The following TNFRSF11B variants were observed in gnomAD, a reference collection of about 807,000 sequenced individuals.
TNFRSF11B encodes the protein tumor necrosis factor receptor superfamily member 11B.
Under a neutral mutation model 43.4 loss-of-function variants are expected in TNFRSF11B, and 16 were observed. The ratio of observed to expected loss-of-function variants is 0.37; its 90% CI spans 0.25 to 0.56. The LOEUF (loss-of-function observed/expected upper bound fraction) is 0.56. Ranked by LOEUF, TNFRSF11B falls within the 20% of genes least tolerant of loss-of-function variation. TNFRSF11B has a pLI of 0.80. For missense variants in TNFRSF11B, 444 were observed against 490.1 expected (o/e 0.91, Z 0.89); for synonymous variants, 185 against 181.8 (o/e 1.02, Z -0.14).
rs752915393 is a variant in TNFRSF11B, at chr8:118,933,284, A to G, written c.47T>C (p.Ile16Thr). The G allele has an allele frequency of 1.2e-5, 20 of 1,613,656 alleles. No homozygotes were observed. The Admixed American group carries it at 3.3e-4, about 27-fold the overall frequency. Reference protein sequence around the residue: ...CCALVFLDISIKWTTQETFPP... With the variant: ...CCALVFLDISTKWTTQETFPP... Reference sequence around the variant, plus strand: ...AAACGTTTCCTGGGTGGTCCACTTAATGGAGATGTCCAGAAACTAGAAGGA... The same window carrying G: ...AAACGTTTCCTGGGTGGTCCACTTAGTGGAGATGTCCAGAAACTAGAAGGA... Residue 16 changes from isoleucine to threonine, a missense_variant, in exon 2 of 5, where the codon ATT becomes ACT. By Grantham distance (89) the Ile-to-Thr change is moderately conservative. Coordinates refer to ENST00000297350, the MANE Select transcript of TNFRSF11B (RefSeq NM_002546.4).
intron 1 of TNFRSF11B, among the ~76,000 whole-genome samples, chr8:118,944,290 A>G (rs1324375793): frequency 3.3e-5 from 5 of 152,172 alleles, no homozygotes; most frequent in Non-Finnish European, 7.4e-5. Context: ...TATAGCAACC[A>G]ATACCTGAAA....
chr8:118,939,004 C>T (rs781419404), intron 1 of TNFRSF11B, among the ~76,000 whole-genome samples: 15 of 152,158 alleles, frequency 9.9e-5, no homozygotes, highest in African/African-American at 2.9e-4. Context: ...TGTGATCCCT[C>T]GTCATGATCT....
At chr8:118,944,061 A>G (rs1162786133) in intron 1 of TNFRSF11B, among the ~76,000 whole-genome samples, 2 of 152,160 alleles carry the variant, frequency 1.3e-5, no homozygotes, top group East Asian at 3.8e-4. Context: ...TGGGGTTTGT[A>G]AATGTTCTTT....
rs754392133 is a variant in TNFRSF11B, at chr8:118,926,603, A to G, written c.708T>C (p.Ser236=). The G allele has an allele frequency of 3.7e-6, 6 of 1,613,852 alleles. No individual in the cohort carries two copies. Among genetic ancestry groups the G allele is most frequent in the Non-Finnish European group, 4.2e-6 (5 of 1,179,952 alleles). Residue 236 remains serine (S), a synonymous_variant, in exon 4 of 5, where the codon AGT becomes AGC. Coordinates refer to ENST00000297350, the MANE Select transcript of TNFRSF11B (RefSeq NM_002546.4). ...TGTGTTGCCGTTTTATCCTCTCTACACTCTCTGCGTTTACTTTGGTGCCAG... is the reference window on the plus strand; with the variant it reads ...TGTGTTGCCGTTTTATCCTCTCTACGCTCTCTGCGTTTACTTTGGTGCCAG... ...NLPGTKVNAE[S]VERIKRQHSS...
At chr8:118,925,938 G>C (rs1812239419) in intron 4 of TNFRSF11B, among the ~76,000 whole-genome samples, 2 of 152,140 alleles carry the variant, frequency 1.3e-5, no homozygotes, top group Admixed American at 1.3e-4. Flanking sequence ...GCTGTAACTA[G>C]CTTTTTCCTA....
At chr8:118,951,399 ACTT>A (rs1812642247) in intron 1 of TNFRSF11B, among the ~76,000 whole-genome samples, 1 of 152,304 alleles carries the variant, frequency 6.6e-6, no homozygotes, top group Admixed American at 6.5e-5. Flanking sequence ...CTAAGGGACC[ACTT>A]CTTTGCCACT....
At chr8:118,946,918 G>T (rs1024622916) in intron 1 of TNFRSF11B, among the ~76,000 whole-genome samples, 3 of 152,146 alleles carry the variant, frequency 2.0e-5, no homozygotes, top group Non-Finnish European at 4.4e-5. Context: ...ACCATCATTT[G>T]TTCTCCACTC....
At chr8:118,934,981 T>C (rs1812382234) in intron 1 of TNFRSF11B, among the ~76,000 whole-genome samples, 1 of 152,234 alleles carries the variant, frequency 6.6e-6, no homozygotes, top group Non-Finnish European at 1.5e-5. Context: ...TGACCTAATA[T>C]GAGTTGATAA....
At chr8:118,926,856 A>T (rs1264020290) in intron 3 of TNFRSF11B, 138 bp from the exon 4 acceptor site, 4 of 909,354 alleles carry the variant, frequency 4.4e-6, no homozygotes, top group Non-Finnish European at 6.9e-6. Flanking sequence ...AGTTTGAATA[A>T]AATCAAGCTT....
intron 1 of TNFRSF11B, among the ~76,000 whole-genome samples, chr8:118,944,453 C>G (rs1453595871): frequency 6.6e-6 from 1 of 152,058 alleles, no homozygotes; most frequent in Non-Finnish European, 1.5e-5. Context: ...TCTCCCCGAC[C>G]CCATCCTCAC....
At chr8:118,948,290 T>C (rs997357437) in intron 1 of TNFRSF11B, among the ~76,000 whole-genome samples, 1 of 152,130 alleles carries the variant, frequency 6.6e-6, no homozygotes, top group Non-Finnish European at 1.5e-5. Context: ...TTTTTTTTTC[T>C]TTTTCTTTTT....
At chr8:118,949,108 G>T (rs1282671626) in intron 1 of TNFRSF11B, among the ~76,000 whole-genome samples, 1 of 152,080 alleles carries the variant, frequency 6.6e-6, no homozygotes, top group Non-Finnish European at 1.5e-5. Context: ...GAACATTCCA[G>T]GAAAGCCCAT....
chr8:118,949,795 G>T (rs1812614661), intron 1 of TNFRSF11B, among the ~76,000 whole-genome samples: 1 of 152,130 alleles, frequency 6.6e-6, no homozygotes, highest in East Asian at 1.9e-4. Context: ...AGTGCCAGTG[G>T]AATGCCCATT....
chr8:118,932,101 A>G (rs1242161971), intron 2 of TNFRSF11B, among the ~76,000 whole-genome samples: 2 of 152,240 alleles, frequency 1.3e-5, no homozygotes, highest in African/African-American at 4.8e-5. Context: ...CTGAGTCATC[A>G]GAATCTATAC....
At chr8:118,936,863 T>A (rs982801718) in intron 1 of TNFRSF11B, among the ~76,000 whole-genome samples, 1 of 152,178 alleles carries the variant, frequency 6.6e-6, no homozygotes, top group African/African-American at 2.4e-5. Context: ...TATGCTTGAC[T>A]TTTAAAAAAA....
chr8:118,950,685 G>GT (rs1812630037), intron 1 of TNFRSF11B, among the ~76,000 whole-genome samples: 2 of 152,146 alleles, frequency 1.3e-5, no homozygotes, highest in African/African-American at 2.4e-5. Flanking sequence ...TAGCGATGAA[G>GT]TTATACACAC....
At chr8:118,941,613 G>A (rs1009086925) in intron 1 of TNFRSF11B, among the ~76,000 whole-genome samples, 2 of 152,058 alleles carry the variant, frequency 1.3e-5, no homozygotes, top group South Asian at 4.1e-4. Flanking sequence ...TCTTGTTTGT[G>A]TTTGGAATCA....
chr8:118,932,849 A>C, intron 2 of TNFRSF11B, 82 bp downstream of exon 2: 1 of 1,581,504 alleles, frequency 6.3e-7, no homozygotes, highest in Non-Finnish European at 8.6e-7. Flanking sequence ...TAATGTCATC[A>C]GAACAAAAGT....
chr8:118,925,451 T>G (rs1010249247), intron 4 of TNFRSF11B, among the ~76,000 whole-genome samples: 18 of 152,040 alleles, frequency 1.2e-4, no homozygotes, highest in Admixed American at 1.1e-3. Flanking sequence ...TTGCTTCCAA[T>G]TCTAACGGTC....
Sources: allele counts gnomAD v4.1 joint callset (sites outside exome capture counted in the v4.1 genomes callset), GRCh38; gene constraint gnomAD v4.1.1; transcripts MANE v1.5; gene names NCBI Gene and HGNC (gene_info 2026-07-23, HGNC 2026-07-21).